NTRK2: variants seen among roughly 807,000 people sequenced by gnomAD.
NTRK2 encodes the protein BDNF/NT-3 growth factors receptor.
In NTRK2, 13 loss-of-function variants were observed where a neutral mutation model predicts 94.5. The ratio of observed to expected loss-of-function variants is 0.14; its 90% confidence interval spans 0.09 to 0.22. The LOEUF is 0.22. Among genes scored for constraint, NTRK2 ranks in the 10% least tolerant of loss-of-function variants. NTRK2 has a pLI of 1.00. For synonymous variants in NTRK2, 372 were observed against 407.4 expected (o/e 0.91, Z 1.05); for missense variants, 639 against 1,071.2 (o/e 0.60, Z 5.63).
At chr9:85,008,433 C>T (rs939928676) in intron 17 of NTRK2, among the ~76,000 whole-genome samples, 4 of 152,086 alleles carry the variant, frequency 2.6e-5, no homozygotes, top group African/African-American at 7.2e-5. Flanking sequence ...GTCCCTGCCA[C>T]AATGGGGCAT....
chr9:84,954,573 G>C (rs947689525), intron 16 of NTRK2, among the ~76,000 whole-genome samples: 1 of 152,236 alleles, frequency 6.6e-6, no homozygotes, highest in Non-Finnish European at 1.5e-5. Flanking sequence ...TGTGTTGAGC[G>C]GAGGTTGGAG....
At chr9:84,888,763 A>C (rs1024354424) in intron 14 of NTRK2, among the ~76,000 whole-genome samples, 1 of 151,628 alleles carries the variant, frequency 6.6e-6, no homozygotes, top group Non-Finnish European at 1.5e-5. Context: ...AAAATCCCTA[A>C]GAGGTTGGAC....
intron 14 of NTRK2, among the ~76,000 whole-genome samples, chr9:84,919,267 C>T (rs1740163673): frequency 6.6e-6 from 1 of 152,218 alleles, no homozygotes; most frequent in Non-Finnish European, 1.5e-5. Context: ...ACATCAGCTT[C>T]TTTCTTGAGT....
At chr9:84,936,076 G>T (rs2078205367) in intron 15 of NTRK2, among the ~76,000 whole-genome samples, 2 of 152,142 alleles carry the variant, frequency 1.3e-5, no homozygotes, top group African/African-American at 2.4e-5. Flanking sequence ...GACTCTGCAG[G>T]TGTCACAAGA....
intron 14 of NTRK2, chr9:84,877,939 T>A (rs2076130913): frequency 9.9e-7 from 1 of 1,013,418 alleles, no homozygotes; most frequent in Non-Finnish European, 1.2e-6. Context: ...GCTAATACTT[T>A]TTCTTACATA....
At chr9:84,767,566 C>T (rs1251906678) in intron 12 of NTRK2, among the ~76,000 whole-genome samples, 1 of 152,086 alleles carries the variant, frequency 6.6e-6, no homozygotes, top group African/African-American at 2.4e-5. Flanking sequence ...TTATCCAAAT[C>T]TCCTAAAATA....
chr9:84,848,519 A>G (rs949708452), intron 12 of NTRK2, among the ~76,000 whole-genome samples: 7 of 152,214 alleles, frequency 4.6e-5, no homozygotes, highest in Admixed American at 2.6e-4. Flanking sequence ...ACTGACATTT[A>G]GTTACGATTC....
chr9:84,908,031 T>C (rs2077127040), intron 14 of NTRK2, among the ~76,000 whole-genome samples: 1 of 152,186 alleles, frequency 6.6e-6, no homozygotes, highest in Admixed American at 6.6e-5. Context: ...AGCAAGTGTC[T>C]TTTTAAGATG....
intron 12 of NTRK2, among the ~76,000 whole-genome samples, chr9:84,831,550 A>G (rs1247241179): frequency 6.6e-6 from 1 of 152,186 alleles, no homozygotes; most frequent in Non-Finnish European, 1.5e-5. Flanking sequence ...AGTGTTTTCC[A>G]TATGCCAACT....
chr9:84,772,851 A>G (rs1399048653), intron 12 of NTRK2, among the ~76,000 whole-genome samples: 1 of 152,172 alleles, frequency 6.6e-6, no homozygotes, highest in Admixed American at 6.5e-5. Flanking sequence ...GATGGAGTGT[A>G]AGATATGAGA....
At chr9:84,932,489 T>G (rs781588007) in intron 14 of NTRK2, among the ~76,000 whole-genome samples, 15 of 152,168 alleles carry the variant, frequency 9.9e-5, no homozygotes, top group Non-Finnish European at 1.9e-4. Flanking sequence ...AGGTATCCAT[T>G]TTATTATTAT....
chr9:84,783,154 C>T (rs1453687066), intron 12 of NTRK2, among the ~76,000 whole-genome samples: 2 of 152,168 alleles, frequency 1.3e-5, no homozygotes, highest in Non-Finnish European at 2.9e-5. Flanking sequence ...ATGACATTGC[C>T]TCTCACAGAT....
At chr9:84,920,893 T>TA (rs1435184755) in intron 14 of NTRK2, among the ~76,000 whole-genome samples, 33 of 152,206 alleles carry the variant, frequency 2.2e-4, no homozygotes, top group African/African-American at 7.7e-4. Flanking sequence ...TAAATTCCAG[T>TA]ATAATTTAAC....
chr9:84,955,514 C>T lies in NTRK2; in HGVS notation c.2169C>T (p.Tyr723=), dbSNP rs1435279280. The part of the protein sequence containing the change: ...MSRDVYSTDY[Y]RVGGHTMLPI... ...GGGACGTGTACAGCACTGACTACTA[C>T]AGGGTGAGTAGCTGTGCAGATCAGA... Residue 723 remains tyrosine (Y), a synonymous_variant, in exon 17 of 19, where the codon TAC becomes TAT. Transcript: ENST00000277120. The T allele has an allele frequency of 6.2e-7, 1 of 1,612,532 alleles. No homozygotes were observed. The highest frequency in any genetic ancestry group is 8.5e-7 in the Non-Finnish European group (1 of 1,178,650).
intron 14 of NTRK2, chr9:84,874,958 T>G (rs1414797330): frequency 2.8e-6 from 3 of 1,055,652 alleles, no homozygotes; most frequent in Non-Finnish European, 3.4e-6. Context: ...TGCCTTCAAG[T>G]GCCCTAAAAT....
chr9:84,953,785 T>A (rs1486902168), intron 16 of NTRK2, among the ~76,000 whole-genome samples: 1 of 152,186 alleles, frequency 6.6e-6, no homozygotes, highest in African/African-American at 2.4e-5. Context: ...GAAGAAATTG[T>A]ACATGAGAGA....
intron 17 of NTRK2, among the ~76,000 whole-genome samples, chr9:84,961,767 G>A (rs924945311): frequency 9.2e-5 from 14 of 152,230 alleles, no homozygotes; most frequent in African/African-American, 3.4e-4. Context: ...ATGCTGTAAT[G>A]TAGATACAAA....
At chr9:84,867,841 G>T (rs550190414) in intron 14 of NTRK2, among the ~76,000 whole-genome samples, 1 of 152,186 alleles carries the variant, frequency 6.6e-6, no homozygotes, top group African/African-American at 2.4e-5. Flanking sequence ...TGCACTCTAG[G>T]TAGTTGGGAA....
intron 17 of NTRK2, among the ~76,000 whole-genome samples, chr9:84,960,679 C>T (rs1824808069): frequency 6.6e-6 from 1 of 152,114 alleles, no homozygotes; most frequent in Admixed American, 6.5e-5. Flanking sequence ...CCACCTCCTC[C>T]CTGACTTCCT....
Sources: allele counts gnomAD v4.1 joint callset (sites outside exome capture counted in the v4.1 genomes callset), GRCh38; gene constraint gnomAD v4.1.1; transcripts MANE v1.5; gene names NCBI Gene and HGNC (gene_info 2026-07-23, HGNC 2026-07-21).